TNRC6A: variants seen among roughly 807,000 people sequenced by gnomAD.
The protein encoded by TNRC6A is trinucleotide repeat-containing gene 6A protein.
Under a neutral mutation model 221.2 loss-of-function variants are expected in TNRC6A, and 44 were observed. The observed-to-expected ratio is 0.20, with a 90% confidence interval of 0.16 to 0.26. The LOEUF is 0.26. Among genes scored for constraint, TNRC6A ranks in the 10% least tolerant of loss-of-function variants. The pLI is 1.00. For synonymous variants in TNRC6A, 847 were observed against 838.5 expected (o/e 1.01, Z -0.18); for missense variants, 2,199 against 2,404.4 (o/e 0.91, Z 1.79).
chr16:24,623,094 G>GT (rs1342631976), intron 1 of TNRC6A, among the ~76,000 whole-genome samples: 8 of 152,280 alleles, frequency 5.3e-5, no homozygotes, highest in African/African-American at 1.9e-4. Flanking sequence ...TGGTGCATCA[G>GT]TATCTACTGC....
In TNRC6A at chr16:24,675,242, GAC is replaced by G. The variant is rs570119090; in HGVS notation, n.402+34235_402+34236del. On this transcript the variant is annotated intron_variant and non_coding_transcript_variant, in intron 2 of 2. Coordinates refer to the TNRC6A transcript ENST00000566108. ...TCAAAGAAACACAAGCTGTGTTGTG[GAC>G]AGACAGAACACATTGGAATGAATTG... 5.3e-5 allele frequency among the ~76,000 whole-genome samples: 8 copies of G among 152,298 alleles called. No individual in the cohort carries two copies. In the South Asian group the frequency reaches 1.7e-3, roughly 32 times the overall value.
chr16:24,635,139 TC>T (rs1298941181), intron 1 of TNRC6A, among the ~76,000 whole-genome samples: 7 of 143,448 alleles, frequency 4.9e-5, no homozygotes, highest in African/African-American at 1.3e-4. Flanking sequence ...TCTTTCTTTT[TC>T]TTTTCTTTCC....
intron 2 of TNRC6A, among the ~76,000 whole-genome samples, chr16:24,723,099 C>T (rs560138625): frequency 4.7e-4 from 71 of 152,146 alleles, no homozygotes; most frequent in African/African-American, 1.5e-3. Context: ...TTACGTGGGC[C>T]CATTATGCCA....
In TNRC6A at chr16:24,776,958, A is replaced by G; in HGVS notation, c.189A>G (p.Val63=). The change falls in exon 5 of 25, where the codon GTA becomes GTG. Residue 63 remains valine (V), a synonymous_variant. Coordinates refer to ENST00000395799, the MANE Select transcript of TNRC6A (RefSeq NM_014494.4). ...IKVPEQIKPS[V]SQPQPANSNN... ...TGCCAGAACAGATAAAGCCCAGTGT[A>G]AGCCAGCCTCAGCCTGCCAACTCTA... The G allele has an allele frequency of 6.2e-7, 1 of 1,614,068 alleles. No homozygotes were observed.
chr16:24,657,317 CAAAAAAAAA>C (rs56241898), intron 2 of TNRC6A, among the ~76,000 whole-genome samples: 5 of 88,172 alleles, frequency 5.7e-5, no homozygotes, highest in African/African-American at 2.5e-4. Context: ...GACCCTATCT[CAAAAAAAAA>C]AAAAAAAAAA....
At chr16:24,794,279 T>C (rs567983919) in intron 7 of TNRC6A, among the ~76,000 whole-genome samples, 13 of 152,346 alleles carry the variant, frequency 8.5e-5, no homozygotes, top group African/African-American at 2.9e-4. Flanking sequence ...ACAAGAGTGC[T>C]ACCATTGTCC....
At chr16:24,701,758 G>T (rs919881824) in intron 2 of TNRC6A, among the ~76,000 whole-genome samples, 1 of 152,144 alleles carries the variant, frequency 6.6e-6, no homozygotes, top group African/African-American at 2.4e-5. Flanking sequence ...TCTTTCCTCA[G>T]GAAATTGAGG....
chr16:24,663,920 C>A (rs1567336019), intron 2 of TNRC6A: 1 of 456,642 alleles, frequency 2.2e-6, no homozygotes, highest in Non-Finnish European at 4.4e-6. Context: ...AAGCCGTTAG[C>A]AGTTATCCTG....
At chr16:24,707,865 C>T (rs1445593604) in intron 2 of TNRC6A, among the ~76,000 whole-genome samples, 2 of 152,158 alleles carry the variant, frequency 1.3e-5, no homozygotes, top group Non-Finnish European at 2.9e-5. Context: ...TCAAGACCAG[C>T]CTGGCCAACA....
At chr16:24,668,498 T>G (rs1343924642) in intron 2 of TNRC6A, among the ~76,000 whole-genome samples, 1 of 152,214 alleles carries the variant, frequency 6.6e-6, no homozygotes, top group Non-Finnish European at 1.5e-5. Context: ...TCTACCCGAC[T>G]TCCCCCACTG....
intron 4 of TNRC6A, among the ~76,000 whole-genome samples, chr16:24,759,090 A>C (rs1422796094): frequency 6.6e-6 from 1 of 152,196 alleles, no homozygotes; most frequent in African/African-American, 2.4e-5. Flanking sequence ...TAAAGGAATG[A>C]AATGGTTCAA....
chr16:24,719,572 T>A (rs2056374195), intron 2 of TNRC6A, among the ~76,000 whole-genome samples: 1 of 151,886 alleles, frequency 6.6e-6, no homozygotes, highest in African/African-American at 2.4e-5. Flanking sequence ...AGGGTGAGAA[T>A]CACTTGAACC....
chr16:24,729,965 C>A, intron 1 of TNRC6A, 119 bp downstream of exon 1: 1 of 958,852 alleles, frequency 1.0e-6, no homozygotes, highest in Non-Finnish European at 1.3e-6. Flanking sequence ...GACTTCGGGC[C>A]TCGGCGGGAG....
At chr16:24,674,553 G>A (rs2055368521) in intron 2 of TNRC6A, among the ~76,000 whole-genome samples, 2 of 152,170 alleles carry the variant, frequency 1.3e-5, no homozygotes, top group Admixed American at 1.3e-4. Context: ...TGGATTTTAG[G>A]TGAAAGTGGG....
rs755265744 is a variant in TNRC6A at position 24,776,951 on chromosome 16, C to A, written c.182C>A (p.Pro61His). The change falls in exon 5 of 25, where the codon CCC becomes CAC. Residue 61 changes from proline (P) to histidine (H), a missense_variant. Transcript: ENST00000395799. ...QKIKVPEQIK[P>H]SVSQPQPANS... ...GGATTAGTGCCAGAACAGATAAAGC[C>A]CAGTGTAAGCCAGCCTCAGCCTGCC... is the stretch of plus-strand genomic sequence containing the variant. 2 of 1,613,588 alleles carry A rather than the reference C, an allele frequency of 1.2e-6. No homozygotes were observed. The highest frequency in any genetic ancestry group is 1.7e-6 in the Non-Finnish European group (2 of 1,179,624).
intron 3 of TNRC6A, 102 bp downstream of exon 3, chr16:24,750,915 A>C (rs1596611579): frequency 8.2e-6 from 9 of 1,103,552 alleles, no homozygotes; most frequent in Non-Finnish European, 9.7e-6. Flanking sequence ...TTAATGTTTT[A>C]GCTTTAATGG....
intron 2 of TNRC6A, among the ~76,000 whole-genome samples, chr16:24,712,910 TGTGTGTGTGTG>T (rs2056232657): frequency 1.0e-4 from 1 of 9,594 alleles, no homozygotes. Context: ...TGTGCCACTG[TGTGTGTGTGTG>T]TGTGTGTGTG....
intron 1 of TNRC6A, among the ~76,000 whole-genome samples, chr16:24,630,690 G>T (rs781703198): frequency 5.3e-5 from 8 of 152,096 alleles, no homozygotes; most frequent in Non-Finnish European, 1.0e-4. Flanking sequence ...GCCTCATGCT[G>T]TAGGGAGCCC....
chr16:24,760,249 C>T (rs986189235), intron 4 of TNRC6A, among the ~76,000 whole-genome samples: 5 of 152,206 alleles, frequency 3.3e-5, no homozygotes, highest in African/African-American at 9.7e-5. Context: ...CCATTGATCT[C>T]TCCCTTTCCA....
Sources: gnomAD v4.1 joint callset for allele counts (sites outside exome capture counted in the v4.1 genomes callset) on GRCh38, gnomAD v4.1.1 for gene constraint, MANE v1.5 for transcripts, NCBI Gene and HGNC (gene_info 2026-07-23, HGNC 2026-07-21) for gene names.